ASTN2: variants seen among roughly 807,000 people sequenced by gnomAD.
ASTN2 encodes the protein astrotactin 2, also known as astrotactin-2.
Under a neutral mutation model 139.8 loss-of-function variants are expected in ASTN2, and 54 were observed. The ratio of observed to expected loss-of-function variants is 0.39; its 90% CI spans 0.31 to 0.48. The LOEUF (loss-of-function observed/expected upper bound fraction) is 0.48. Among genes scored for constraint, ASTN2 ranks in the 20% least tolerant of loss-of-function variants. The pLI is 0.95. For missense variants in ASTN2, 1,565 were observed against 1,725.1 expected, an observed-to-expected ratio of 0.91 and a Z score of 1.64; for synonymous variants, 756 against 719.5, an observed-to-expected ratio of 1.05 and a Z score of -0.81.
chr9:116,486,676 C>G (rs1849348545), intron 20 of ASTN2, among the ~76,000 whole-genome samples: 1 of 152,112 alleles, frequency 6.6e-6, no homozygotes, highest in Non-Finnish European at 1.5e-5. Context: ...TATGTTATAG[C>G]TTATGATGGT....
Position 117,275,564 on chromosome 9 carries a change from C to CTTT in ASTN2, c.630+15759_630+15761dup, listed in dbSNP as rs57767279. On this transcript the variant is annotated intron_variant, in intron 2 of 22. Transcript: ENST00000313400. ...TCACTGATGTCTTTTATCTCTCCCT[C>CTTT]TTTTTTTTTTTTTTTTTTTGAGACG... Among the ~76,000 whole-genome samples, 85 of 119,154 alleles carry CTTT rather than the reference C, an allele frequency of 7.1e-4. 4 individuals carry two copies. The highest frequency in any genetic ancestry group is 8.8e-4 in the Admixed American group (9 of 10,220). The allele number at this position is 119,154 out of a possible 152,430, so 78.2% of individuals were successfully genotyped here.
At chr9:117,076,125 G>A (rs1020190860) in intron 5 of ASTN2, among the ~76,000 whole-genome samples, 1 of 152,188 alleles carries the variant, frequency 6.6e-6, no homozygotes, top group Non-Finnish European at 1.5e-5. Context: ...CAGAGAATAT[G>A]AGAGAGAGCT....
At chr9:116,704,203 G>A (rs1827929980) in intron 16 of ASTN2, among the ~76,000 whole-genome samples, 1 of 152,066 alleles carries the variant, frequency 6.6e-6, no homozygotes, top group African/African-American at 2.4e-5. Context: ...AAGGGTGTTG[G>A]TATGTCACCA....
chr9:116,786,299 T>A (rs1417985532), intron 13 of ASTN2, among the ~76,000 whole-genome samples: 2 of 152,216 alleles, frequency 1.3e-5, no homozygotes. Context: ...TTCTCCACAG[T>A]GTATGTACCT....
At chr9:116,949,356 G>A (rs568211794) in intron 10 of ASTN2, among the ~76,000 whole-genome samples, 13 of 152,052 alleles carry the variant, frequency 8.5e-5, no homozygotes, top group Non-Finnish European at 1.9e-4. Flanking sequence ...TTAAAAAATC[G>A]TACTTGAACT....
intron 20 of ASTN2, among the ~76,000 whole-genome samples, chr9:116,461,897 C>G (rs1336954823): frequency 6.6e-6 from 1 of 152,154 alleles, no homozygotes; most frequent in South Asian, 2.1e-4. Context: ...AGTGAGAAAC[C>G]CATTCTAGAA....
intron 4 of ASTN2, among the ~76,000 whole-genome samples, chr9:117,119,519 T>C (rs1829487314): frequency 6.6e-6 from 1 of 152,138 alleles, no homozygotes; most frequent in Non-Finnish European, 1.5e-5. Flanking sequence ...CTCTCCTGCA[T>C]CTCACAGCTT....
chr9:117,260,828 G>T (rs1833804922), intron 2 of ASTN2, among the ~76,000 whole-genome samples: 2 of 152,158 alleles, frequency 1.3e-5, no homozygotes, highest in South Asian at 4.1e-4. Flanking sequence ...TACCTCCCAG[G>T]CATGAAGCTA....
At chr9:117,182,467 C>T (rs1338664080) in intron 3 of ASTN2, among the ~76,000 whole-genome samples, 2 of 152,140 alleles carry the variant, frequency 1.3e-5, no homozygotes, top group Middle Eastern at 3.2e-3. Context: ...AGATATTAAA[C>T]CCTAGAGCAT....
At chr9:117,362,734 T>TG (rs1829728004) in intron 1 of ASTN2, among the ~76,000 whole-genome samples, 1 of 152,172 alleles carries the variant, frequency 6.6e-6, no homozygotes, top group Non-Finnish European at 1.5e-5. Context: ...GCCCCATATC[T>TG]GGGCAATCTG....
chr9:117,319,844 G>A (rs941678067), intron 1 of ASTN2, among the ~76,000 whole-genome samples: 14 of 152,100 alleles, frequency 9.2e-5, no homozygotes, highest in East Asian at 1.9e-4. Context: ...ACATGAAGGC[G>A]GTAATTCCCA....
intron 1 of ASTN2, among the ~76,000 whole-genome samples, chr9:117,405,652 A>T (rs987692690): frequency 6.6e-6 from 1 of 152,118 alleles, no homozygotes; most frequent in African/African-American, 2.4e-5. Flanking sequence ...AGGCTTGGTG[A>T]CCTTGATTTC....
chr9:117,380,597 C>CAAAAA (rs1199618121), intron 1 of ASTN2, among the ~76,000 whole-genome samples: 2,170 of 92,506 alleles, frequency 0.023, 31 homozygotes, highest in Middle Eastern at 0.039. Flanking sequence ...GAGCAAGACT[C>CAAAAA]AAAAAAAAAA....
intron 2 of ASTN2, among the ~76,000 whole-genome samples, chr9:117,254,960 A>C (rs2133097690): frequency 6.6e-6 from 1 of 152,344 alleles, no homozygotes; most frequent in African/African-American, 2.4e-5. Flanking sequence ...TCTTTCAAAA[A>C]GTACTGATAT....
At chr9:116,633,054 C>T (rs1264752353) in intron 17 of ASTN2, among the ~76,000 whole-genome samples, 1 of 152,194 alleles carries the variant, frequency 6.6e-6, no homozygotes, top group Non-Finnish European at 1.5e-5. Context: ...AGTAGACCTG[C>T]TCAGTCATCG....
At chr9:116,977,405 T>C (rs1412695626) in intron 7 of ASTN2, among the ~76,000 whole-genome samples, 1 of 152,120 alleles carries the variant, frequency 6.6e-6, no homozygotes, top group African/African-American at 2.4e-5. Flanking sequence ...TCCCTCTCTC[T>C]TGCCATTCTT....
chr9:116,857,168 T>G (rs570124409), intron 11 of ASTN2, among the ~76,000 whole-genome samples: 1 of 152,318 alleles, frequency 6.6e-6, no homozygotes, highest in South Asian at 2.1e-4. Flanking sequence ...TGGAACAGTC[T>G]TTGTATGGAT....
At chr9:116,742,925 T>G (rs201788594) in intron 13 of ASTN2, among the ~76,000 whole-genome samples, 1 of 152,218 alleles carries the variant, frequency 6.6e-6, no homozygotes, top group African/African-American at 2.4e-5. Context: ...ACATTGGCTG[T>G]GTGTTCCAAC....
At chr9:117,349,140 C>A (rs10818027) in intron 1 of ASTN2, among the ~76,000 whole-genome samples, 72,810 of 152,032 alleles carry the variant, frequency 0.48, 18,850 homozygotes, top group East Asian at 0.94. Flanking sequence ...CAAATCCAAA[C>A]GGTATGCTCA....
Sources: gnomAD v4.1 joint callset for allele counts (sites outside exome capture counted in the v4.1 genomes callset) on GRCh38, gnomAD v4.1.1 for gene constraint, MANE v1.5 for transcripts, NCBI Gene and HGNC (gene_info 2026-07-23, HGNC 2026-07-21) for gene names.